The following EPB41L3 variants were observed in gnomAD, a reference collection of about 807,000 sequenced individuals.
EPB41L3 encodes the protein band 4.1-like protein 3.
EPB41L3 carries 57 observed loss-of-function variants against 127.1 expected under a neutral mutation model. That is an observed-to-expected ratio of 0.45 (90% CI 0.36 to 0.56). The LOEUF is 0.56. Among genes scored for constraint, EPB41L3 ranks in the 20% least tolerant of loss-of-function variants. EPB41L3 has a pLI of 0.00. For synonymous variants in EPB41L3, 572 were observed against 549.5 expected (o/e 1.04, Z -0.57); for missense variants, 1,273 against 1,372.2 (o/e 0.93, Z 1.14).
intron 1 of EPB41L3, among the ~76,000 whole-genome samples, chr18:5,536,502 T>A (rs1268290138): frequency 6.2e-5 from 9 of 144,984 alleles, no homozygotes; most frequent in African/African-American, 2.3e-4. Context: ...CTGTTACATT[T>A]AAAAAAAAAA....
intron 2 of EPB41L3, among the ~76,000 whole-genome samples, chr18:5,481,237 C>T (rs968464734): frequency 6.6e-6 from 1 of 152,146 alleles, no homozygotes; most frequent in Non-Finnish European, 1.5e-5. Flanking sequence ...TGGTTTCCCT[C>T]CTCCCATCCC....
chr18:5,460,119 G>A (rs1271706477), intron 3 of EPB41L3, among the ~76,000 whole-genome samples: 1 of 152,154 alleles, frequency 6.6e-6, no homozygotes, highest in Non-Finnish European at 1.5e-5. Context: ...TATGCCCAGT[G>A]TTTAGCTCCT....
chr18:5,593,330 G>C (rs1599171286), intron 3 of EPB41L3, among the ~76,000 whole-genome samples: 1 of 152,136 alleles, frequency 6.6e-6, no homozygotes, highest in African/African-American at 2.4e-5. Flanking sequence ...GAGTACAAAA[G>C]AGAAATTTTA....
chr18:5,547,493 A>C (rs2149119141), upstream of EPB41L3, among the ~76,000 whole-genome samples: 1 of 152,296 alleles, frequency 6.6e-6, no homozygotes, highest in South Asian at 2.1e-4. Flanking sequence ...CCATGACTCT[A>C]GCCTAGGTCT....
At chr18:5,615,513 A>G (rs1003071127) in intron 1 of EPB41L3, among the ~76,000 whole-genome samples, 3 of 152,210 alleles carry the variant, frequency 2.0e-5, no homozygotes, top group African/African-American at 7.2e-5. Context: ...ATTTGAGAAC[A>G]CTAGAAGGTG....
chr18:5,419,271 G>A (rs1463953931), intron 12 of EPB41L3, among the ~76,000 whole-genome samples: 2 of 152,294 alleles, frequency 1.3e-5, no homozygotes, highest in East Asian at 1.9e-4. Context: ...TATGTAGGCT[G>A]TGGTCACTCC....
intron 3 of EPB41L3, among the ~76,000 whole-genome samples, chr18:5,562,388 G>T (rs528570352): frequency 6.6e-6 from 1 of 152,196 alleles, no homozygotes; most frequent in African/African-American, 2.4e-5. Context: ...GGATGGTCAG[G>T]AGTTAAACAA....
At chr18:5,422,813 C>T (rs1441329119) in intron 11 of EPB41L3, among the ~76,000 whole-genome samples, 1 of 152,210 alleles carries the variant, frequency 6.6e-6, no homozygotes, top group African/African-American at 2.4e-5. Flanking sequence ...AGAACCCCTA[C>T]CTAGCACTGT....
intron 1 of EPB41L3, among the ~76,000 whole-genome samples, chr18:5,503,998 T>C (rs1273962841): frequency 6.6e-6 from 1 of 152,240 alleles, no homozygotes; most frequent in African/African-American, 2.4e-5. Flanking sequence ...GTAATGATTA[T>C]TGCTGAAAAC....
Position 5,423,528 on chromosome 18 carries a change from T to C in EPB41L3, c.1189A>G (p.Lys397Glu). The change falls in exon 11 of 23, where the codon AAG (lysine) becomes GAG (glutamate). Residue 397 changes from lysine to glutamate, a missense_variant. Lys to Glu is a moderately conservative substitution (Grantham distance 56). Around this residue, in one of 3 missense-constraint regions of EPB41L3, gnomAD observed 326 missense variants for 440.2 expected, o/e 0.74. Transcript: ENST00000341928. ...FRLLLPEAPP[K>E]KFLTLGSKFR... is the part of the protein sequence containing the mutation. ...TTGGAACCCAAGGTTAGGAATTTCTTGGGAGGTGCTTCTGGTAACAGTAGT... is the reference window on the plus strand; with the variant it reads ...TTGGAACCCAAGGTTAGGAATTTCTCGGGAGGTGCTTCTGGTAACAGTAGT... 2 of 1,613,084 alleles carry C rather than the reference T, an allele frequency of 1.2e-6. No homozygotes were observed. Among genetic ancestry groups the C allele is most frequent in the Non-Finnish European group, 1.7e-6 (2 of 1,179,306 alleles).
At chr18:5,409,131 A>G (rs2075873357) in intron 14 of EPB41L3, among the ~76,000 whole-genome samples, 1 of 152,212 alleles carries the variant, frequency 6.6e-6, no homozygotes, top group Non-Finnish European at 1.5e-5. Flanking sequence ...TCACGGGGCA[A>G]ACAGGAAATT....
rs553649782 is a variant in EPB41L3 at position 5,533,853 on chromosome 18, A to G, written c.-12+10060T>C. Among the ~76,000 whole-genome samples, 14 of 138,584 alleles carry G rather than the reference A, an allele frequency of 1.0e-4. No individual in the cohort carries two copies. In the South Asian group the frequency reaches 3.1e-3, roughly 31 times the overall value. 90.9% of individuals were successfully genotyped at this position (138,584 alleles called of 152,430 possible). A position where few individuals can be genotyped will look rare whatever the true frequency, so the allele number is the denominator to read the frequency against. ...TTTACATAATTTCCTAGGGCCACAG[A>G]AGTTATGGACCAGCCATAAAGAAAC... On this transcript the variant is annotated intron_variant, in intron 1 of 22. Transcript: ENST00000341928.
Position 5,397,483 on chromosome 18 carries a change from A to T in EPB41L3, c.2473-57T>A, listed in dbSNP as rs1377216670. ...ACCATCCATAAACCAAAGGTCAGAA[A>T]ATAACTAAAGCTGCCACTCGCCAGG... is the stretch of plus-strand genomic sequence containing the variant. On this transcript the variant is annotated intron_variant, in intron 17 of 22. Coordinates refer to ENST00000341928, the MANE Select transcript of EPB41L3 (RefSeq NM_012307.5). This position sits in a 1 kb window ranked among gnomAD's most constrained non-coding sequence, Gnocchi z 4.1. The T allele has an allele frequency of 6.6e-7, 1 of 1,526,622 alleles. No homozygotes were observed. The highest frequency in any genetic ancestry group is 1.4e-5 in the African/African-American group (1 of 72,302). The allele number at this position is 1,526,622 out of a possible 1,614,324, so 94.6% of individuals were successfully genotyped here.
At chr18:5,476,116 T>G (rs2087162560) in intron 3 of EPB41L3, among the ~76,000 whole-genome samples, 1 of 152,126 alleles carries the variant, frequency 6.6e-6, no homozygotes, top group Non-Finnish European at 1.5e-5. Context: ...TACAATACAT[T>G]TTTCTCATTC....
At position 5,423,497 on chromosome 18, in the gene EPB41L3, C is replaced by T. The variant is rs757841955; in HGVS notation, c.1220G>A (p.Arg407His). Reference sequence around the variant, plus strand: ...TTGCGCTTGTGTCCTGCCACTATAACGAAACTTGGAACCCAAGGTTAGGAA... The same window carrying T: ...TTGCGCTTGTGTCCTGCCACTATAATGAAACTTGGAACCCAAGGTTAGGAA... ...KKFLTLGSKF[R>H]YSGRTQAQTR... Residue 407 changes from arginine to histidine, a missense_variant, in exon 11 of 23, where the codon CGT becomes CAT. Transcript: ENST00000341928. 8.1e-6 allele frequency: 13 copies of T among 1,613,294 alleles called. No individual in the cohort carries two copies. The highest frequency in any genetic ancestry group is 4.0e-5 in the African/African-American group (3 of 74,864).
chr18:5,522,789 T>TACAAAATAACAGAC (rs1313194017), intron 1 of EPB41L3, among the ~76,000 whole-genome samples: 2 of 152,184 alleles, frequency 1.3e-5, no homozygotes, highest in Non-Finnish European at 2.9e-5. Flanking sequence ...AAGCAACAGA[T>TACAAAATAACAGAC]ACAAAATAAC....
intron 2 of EPB41L3, among the ~76,000 whole-genome samples, chr18:5,483,047 C>T (rs2148064113): frequency 6.6e-6 from 1 of 152,034 alleles, no homozygotes; most frequent in South Asian, 2.1e-4. Context: ...AGTATGAAGC[C>T]CAAAAGACAA....
At chr18:5,540,942 G>A (rs1032899961) in intron 1 of EPB41L3, among the ~76,000 whole-genome samples, 5 of 151,912 alleles carry the variant, frequency 3.3e-5, no homozygotes, top group Admixed American at 1.3e-4. Flanking sequence ...AAAATTAGCC[G>A]GGCGTGGTGG....
intron 3 of EPB41L3, among the ~76,000 whole-genome samples, chr18:5,586,964 A>G (rs188867058): frequency 1.3e-5 from 2 of 152,310 alleles, no homozygotes; most frequent in East Asian, 3.9e-4. Context: ...CTGTGCATGA[A>G]TAAGCAGTAA....
Sources: gnomAD v4.1 joint callset for allele counts (sites outside exome capture counted in the v4.1 genomes callset) on GRCh38, gnomAD v4.1.1 for gene constraint, gnomAD v4.1.1 regional missense constraint, Gnocchi (gnomAD v3.1) non-coding constraint, MANE v1.5 for transcripts, NCBI Gene and HGNC (gene_info 2026-07-23, HGNC 2026-07-21) for gene names.